UGGT2: variants seen among roughly 807,000 people sequenced by gnomAD.
UGGT2 encodes the protein UDP-glucose:glycoprotein glucosyltransferase 2.
Under a neutral mutation model 192.1 loss-of-function variants are expected in UGGT2, and 180 were observed. The ratio of observed to expected loss-of-function variants is 0.94; its 90% CI spans 0.83 to 1.06. The LOEUF is 1.06. Ranked by LOEUF, UGGT2 falls within the 50% of genes least tolerant of loss-of-function variation. The pLI is 0.00. For synonymous variants in UGGT2, 580 were observed against 591.0 expected (o/e 0.98, Z 0.27); for missense variants, 1,849 against 1,795.7 (o/e 1.03, Z -0.54).
intron 5 of UGGT2, among the ~76,000 whole-genome samples, chr13:96,003,890 A>G (rs2062276): frequency 0.39 from 59,961 of 151,974 alleles, 12,067 homozygotes; most frequent in Middle Eastern, 0.44. Flanking sequence ...TTTGTTACAA[A>G]GCAATTCAGA....
At chr13:95,840,198 A>G (rs2139938232) in intron 36 of UGGT2, among the ~76,000 whole-genome samples, 1 of 152,326 alleles carries the variant, frequency 6.6e-6, no homozygotes, top group South Asian at 2.1e-4. Context: ...GACAAATGGG[A>G]TCTATTTAAA....
intron 17 of UGGT2, among the ~76,000 whole-genome samples, chr13:95,932,101 T>C (rs1211951223): frequency 6.6e-6 from 1 of 152,136 alleles, no homozygotes; most frequent in Non-Finnish European, 1.5e-5. Context: ...CTGTGAATAA[T>C]GACATTGGCA....
At chr13:95,901,685 G>A (rs140276980) in intron 21 of UGGT2, among the ~76,000 whole-genome samples, 3 of 152,140 alleles carry the variant, frequency 2.0e-5, no homozygotes, top group Admixed American at 6.6e-5. Context: ...ATGGTTATGC[G>A]GCTTTCAAAA....
At chr13:96,035,813 C>T (rs1025366275) in intron 1 of UGGT2, among the ~76,000 whole-genome samples, 2 of 152,138 alleles carry the variant, frequency 1.3e-5, no homozygotes, top group African/African-American at 4.8e-5. Context: ...AAAAAAGCTC[C>T]ACATCACTGA....
At chr13:95,954,833 C>T (rs1318201242) in intron 12 of UGGT2, among the ~76,000 whole-genome samples, 1 of 152,198 alleles carries the variant, frequency 6.6e-6, no homozygotes, top group African/African-American at 2.4e-5. Context: ...CCACTGGTCA[C>T]TCATATTTGG....
At position 95,895,204 on chromosome 13, in the gene UGGT2, T is replaced by G; in HGVS notation, c.2735A>C (p.Glu912Ala). The change falls in exon 23 of 39, where the codon GAA becomes GCA. Residue 912 changes from glutamate to alanine, a missense_variant. Coordinates refer to ENST00000376747, the MANE Select transcript of UGGT2 (RefSeq NM_020121.4). ...NLGEKIKGIV[E>A]NMGINANNMS... ...CTTATTTGCGTTGATTCCCATATTT[T>G]CAACAATGCCTTTAATTTTCTCTCC... 6.3e-7 allele frequency: 1 copy of G among 1,585,996 alleles called. No individual in the cohort carries two copies. Among genetic ancestry groups the G allele is most frequent in the Non-Finnish European group, 8.5e-7 (1 of 1,172,638 alleles).
intron 4 of UGGT2, among the ~76,000 whole-genome samples, chr13:96,016,604 C>T (rs566930068): frequency 2.0e-5 from 3 of 152,304 alleles, no homozygotes; most frequent in Admixed American, 1.3e-4. Context: ...ATGAAGGAGG[C>T]TTGGAGGCCT....
Position 95,944,616 on chromosome 13 carries a change from C to T in UGGT2, c.1677+2421G>A, listed in dbSNP as rs576476018. Among the ~76,000 whole-genome samples the T allele has an allele frequency of 4.6e-5, 7 of 152,044 alleles. No individual in the cohort carries two copies. The East Asian group carries it at 1.4e-3, about 29-fold the overall frequency. The stretch of plus-strand genomic sequence containing the variant: ...GAATATCAACTTTTATATTCTTGAT[C>T]CCATAATTGTATTATTTCCTAGTTC... On this transcript the variant is annotated intron_variant, in intron 15 of 38. Coordinates refer to ENST00000376747, the MANE Select transcript of UGGT2 (RefSeq NM_020121.4).
At position 95,837,160 on chromosome 13, in the gene UGGT2, G is replaced by T. The variant is rs140034084; in HGVS notation, c.4327C>A (p.Leu1443Ile). ...TCACACCACAGCCAGTCTTGAGGAA[G>T]AGACTTAATGGCGACTTGGTAAATC... The part of the protein sequence containing the change: ...NMIYQVAIKS[L>I]PQDWLWCETW... Residue 1443 changes from leucine to isoleucine, a missense_variant, in exon 37 of 39, where the codon CTT becomes ATT. By Grantham distance (5) the Leu-to-Ile change is conservative. Coordinates refer to ENST00000376747, the MANE Select transcript of UGGT2 (RefSeq NM_020121.4). 6.2e-6 allele frequency: 10 copies of T among 1,613,944 alleles called. No homozygotes were observed. In the African/African-American group the frequency reaches 8.0e-5, roughly 13 times the overall value.
chr13:96,049,279 C>A (rs2053414948), intron 1 of UGGT2, among the ~76,000 whole-genome samples: 2 of 152,202 alleles, frequency 1.3e-5, no homozygotes, highest in Non-Finnish European at 2.9e-5. Context: ...CAAAATTCAA[C>A]AGCCCTTCAT....
chr13:95,916,885 G>T (rs565479115), intron 20 of UGGT2, among the ~76,000 whole-genome samples: 1 of 151,956 alleles, frequency 6.6e-6, no homozygotes, highest in African/African-American at 2.4e-5. Flanking sequence ...CAAAACCTCC[G>T]AGAACTATAG....
intron 9 of UGGT2, chr13:95,985,129 G>T: frequency 2.2e-6 from 1 of 452,810 alleles, no homozygotes; most frequent in Non-Finnish European, 3.5e-6. Flanking sequence ...CTAATCAACT[G>T]TCTGATCAAG....
chr13:95,969,228 T>A (rs1365002556), intron 12 of UGGT2, among the ~76,000 whole-genome samples: 1 of 152,196 alleles, frequency 6.6e-6, no homozygotes, highest in Non-Finnish European at 1.5e-5. Context: ...CATTGTCATA[T>A]ATCACATTAA....
chr13:95,927,873 G>C (rs975025319), intron 17 of UGGT2, among the ~76,000 whole-genome samples: 5 of 152,180 alleles, frequency 3.3e-5, no homozygotes, highest in Non-Finnish European at 7.4e-5. Context: ...GACTCTTAAC[G>C]AACATGCTGC....
chr13:95,976,951 A>G (rs1263002882), intron 10 of UGGT2, among the ~76,000 whole-genome samples: 1 of 152,218 alleles, frequency 6.6e-6, no homozygotes, highest in African/African-American at 2.4e-5. Context: ...CAATGAGGAA[A>G]GGATTCCCTA....
rs565702127 is a variant in UGGT2 at position 95,863,613 on chromosome 13, A to G, written c.3644+16T>C. ...GATCAATCTAGTGATGTATTAAAATATTCATTAGTAATTACCTTTTAATGG... is the reference window on the plus strand; with the variant it reads ...GATCAATCTAGTGATGTATTAAAATGTTCATTAGTAATTACCTTTTAATGG... On this transcript the variant is annotated intron_variant, in intron 31 of 38. Coordinates refer to ENST00000376747, the MANE Select transcript of UGGT2 (RefSeq NM_020121.4). The G allele has an allele frequency of 1.5e-5, 24 of 1,570,228 alleles. No individual in the cohort carries two copies. Among genetic ancestry groups the G allele is most frequent in the Non-Finnish European group, 2.0e-5 (23 of 1,141,120 alleles).
At chr13:95,940,593 AG>A (rs941133519) in intron 15 of UGGT2, among the ~76,000 whole-genome samples, 1 of 151,426 alleles carries the variant, frequency 6.6e-6, no homozygotes. Context: ...CTGGGACTAC[AG>A]GAACTTGCCA....
intron 16 of UGGT2, among the ~76,000 whole-genome samples, 153 bp downstream of exon 16, chr13:95,939,804 C>T (rs1209702616): frequency 1.3e-5 from 2 of 152,114 alleles, no homozygotes; most frequent in Non-Finnish European, 1.5e-5. Context: ...ACCAATATCT[C>T]CCCAATTCTG....
chr13:95,837,791 T>C (rs541631908), intron 36 of UGGT2, among the ~76,000 whole-genome samples: 18 of 152,280 alleles, frequency 1.2e-4, no homozygotes, highest in African/African-American at 4.1e-4. Flanking sequence ...AGTCCTTCCC[T>C]TCCTTTCCCT....
Sources: gnomAD v4.1 joint callset for allele counts (sites outside exome capture counted in the v4.1 genomes callset) on GRCh38, gnomAD v4.1.1 for gene constraint, MANE v1.5 for transcripts, NCBI Gene and HGNC (gene_info 2026-07-23, HGNC 2026-07-21) for gene names.